PDE2A: variants seen among roughly 807,000 people sequenced by gnomAD.
The protein encoded by PDE2A is phosphodiesterase 2A, also known as cGMP-dependent 3',5'-cyclic phosphodiesterase.
Under a neutral mutation model 133.6 loss-of-function variants are expected in PDE2A, and 53 were observed. The ratio of observed to expected loss-of-function variants is 0.40; its 90% CI spans 0.32 to 0.50. The LOEUF is 0.50. Ranked by LOEUF, PDE2A falls within the 20% of genes least tolerant of loss-of-function variation. The pLI, the probability that PDE2A is intolerant of heterozygous loss-of-function variation, is 0.73. For missense variants in PDE2A, 796 were observed against 1,232.4 expected (o/e 0.65, Z 5.30); for synonymous variants, 491 against 490.2 (o/e 1.00, Z -0.02).
At chr11:72,640,986 C>A (rs1464537809) in intron 2 of PDE2A, among the ~76,000 whole-genome samples, 1 of 152,154 alleles carries the variant, frequency 6.6e-6, no homozygotes, top group Non-Finnish European at 1.5e-5. Flanking sequence ...ATACACGGCA[C>A]AACACACATG....
chr11:72,606,581 A>G (rs1035986464), intron 3 of PDE2A, among the ~76,000 whole-genome samples: 1 of 152,106 alleles, frequency 6.6e-6, no homozygotes, highest in African/African-American at 2.4e-5. Flanking sequence ...AGGGGCAGAC[A>G]CCCTCTTGTT....
At position 72,605,220 on chromosome 11, in the gene PDE2A, C is replaced by T. The variant is rs747174747; in HGVS notation, c.241G>A (p.Val81Ile). ...LSAVLPRVET[V>I]YTYLLDGESQ... is the part of the protein sequence containing the mutation. Reference sequence around the variant, plus strand: ...TCACCATCCAGTAGGTAGGTGTAGACAGTTTCCTAGGACAGAAGGCACTTA... The same window carrying T: ...TCACCATCCAGTAGGTAGGTGTAGATAGTTTCCTAGGACAGAAGGCACTTA... The change falls in exon 4 of 31, where the codon GTC becomes ATC. Residue 81 changes from valine (V) to isoleucine (I), a missense_variant. This residue lies in a region of PDE2A where 417 missense variants were observed against 475.3 expected (regional missense o/e 0.88). Coordinates refer to ENST00000334456, the MANE Select transcript of PDE2A (RefSeq NM_002599.5). 126 of 1,605,650 alleles carry T rather than the reference C, an allele frequency of 7.8e-5. No individual in the cohort carries two copies. Among genetic ancestry groups the T allele is most frequent in the Non-Finnish European group, 1.1e-4 (125 of 1,175,122 alleles).
At chr11:72,577,720 C>A (rs1855530809) in intron 30 of PDE2A, 126 bp from the exon 31 acceptor site, 1 of 689,856 alleles carries the variant, frequency 1.4e-6, no homozygotes, top group African/African-American at 1.8e-5. Flanking sequence ...CGCCTGTAAT[C>A]CCAACACTCA....
chr11:72,640,021 A>AAC (rs1858886182), intron 2 of PDE2A, among the ~76,000 whole-genome samples: 1 of 151,672 alleles, frequency 6.6e-6, no homozygotes, highest in East Asian at 1.9e-4. Context: ...CAACACCCCC[A>AAC]ACACACACAC....
intron 4 of PDE2A, chr11:72,598,883 C>A: frequency 2.0e-6 from 2 of 985,446 alleles, no homozygotes; most frequent in Non-Finnish European, 2.4e-6. Flanking sequence ...CACCCAGGAC[C>A]TTTAAGGTTC....
chr11:72,605,216 T>C lies in PDE2A; in HGVS notation c.245A>G (p.Tyr82Cys). The C allele has an allele frequency of 6.2e-7, 1 of 1,606,270 alleles. No individual in the cohort carries two copies. Among genetic ancestry groups the C allele is most frequent in the Non-Finnish European group, 8.5e-7 (1 of 1,175,392 alleles). ...SAVLPRVETVYTYLLDGESQL... is the reference protein window; with the variant it reads ...SAVLPRVETVCTYLLDGESQL... Reference sequence around the variant, plus strand: ...GGACTCACCATCCAGTAGGTAGGTGTAGACAGTTTCCTAGGACAGAAGGCA... The same window carrying C: ...GGACTCACCATCCAGTAGGTAGGTGCAGACAGTTTCCTAGGACAGAAGGCA... The change falls in exon 4 of 31, where the codon TAC becomes TGC. Residue 82 changes from tyrosine (Y) to cysteine (C), a missense_variant. Coordinates refer to ENST00000334456, the MANE Select transcript of PDE2A (RefSeq NM_002599.5).
At chr11:72,588,701 C>G (rs1856091234) in intron 13 of PDE2A, 83 bp downstream of exon 13, 47 of 1,368,706 alleles carry the variant, frequency 3.4e-5, no homozygotes, top group Non-Finnish European at 4.8e-5. Flanking sequence ...TGCCCAGTAC[C>G]CATCCCACAT....
At chr11:72,629,052 AGT>A (rs1858237225) in intron 2 of PDE2A, among the ~76,000 whole-genome samples, 1 of 152,164 alleles carries the variant, frequency 6.6e-6, no homozygotes, top group Non-Finnish European at 1.5e-5. Context: ...TTTGGGGATG[AGT>A]GTGGGGATGG....
chr11:72,646,631 G>A (rs1035122967), intron 1 of PDE2A, among the ~76,000 whole-genome samples: 5 of 152,086 alleles, frequency 3.3e-5, no homozygotes, highest in Admixed American at 6.5e-5. Flanking sequence ...GGCCTCCAAG[G>A]CAACATCCAA....
At chr11:72,587,992 A>C (rs893809469) in intron 13 of PDE2A, 1 of 152,368 alleles carries the variant, frequency 6.6e-6, no homozygotes, top group African/African-American at 2.4e-5. Context: ...TGGACTCCAG[A>C]GACCAGCATC....
At chr11:72,670,048 C>CA (rs1200919908) in intron 1 of PDE2A, among the ~76,000 whole-genome samples, 1 of 152,204 alleles carries the variant, frequency 6.6e-6, no homozygotes, top group African/African-American at 2.4e-5. Context: ...GGCTTCCCCC[C>CA]AGCCTGGCAC....
chr11:72,665,659 G>A (rs1309939821), intron 1 of PDE2A, among the ~76,000 whole-genome samples: 2 of 152,002 alleles, frequency 1.3e-5, no homozygotes, highest in African/African-American at 4.8e-5. Context: ...CACTAGGGTA[G>A]GTACCTTGTA....
At chr11:72,592,315 C>A (rs1398562476) in intron 6 of PDE2A, among the ~76,000 whole-genome samples, 2 of 152,202 alleles carry the variant, frequency 1.3e-5, no homozygotes, top group African/African-American at 2.4e-5. Context: ...GCACTGGGGG[C>A]TCCTCCTTCC....
intron 11 of PDE2A, 26 bp downstream of exon 11, chr11:72,589,725 A>G: frequency 1.2e-6 from 2 of 1,612,580 alleles, no homozygotes; most frequent in South Asian, 1.1e-5. Context: ...TGCAGACTCC[A>G]ACGAGAAGAC....
chr11:72,668,361 T>C (rs751483076), intron 1 of PDE2A: 3 of 718,616 alleles, frequency 4.2e-6, no homozygotes, highest in Non-Finnish European at 7.8e-6. Flanking sequence ...AGCAGTCTCT[T>C]GGGTTTGTGG....
intron 4 of PDE2A, among the ~76,000 whole-genome samples, chr11:72,601,789 A>G (rs1415396073): frequency 6.6e-6 from 1 of 152,202 alleles, no homozygotes; most frequent in Non-Finnish European, 1.5e-5. Context: ...GCAGCCTTCC[A>G]GGATTCTCTC....
intron 2 of PDE2A, among the ~76,000 whole-genome samples, chr11:72,614,425 G>A (rs941324307): frequency 2.0e-5 from 3 of 152,154 alleles, no homozygotes; most frequent in Non-Finnish European, 2.9e-5. Context: ...CTTGAGTGAG[G>A]CATCAGGCTT....
intron 6 of PDE2A, among the ~76,000 whole-genome samples, chr11:72,595,377 CCT>C (rs1264837041): frequency 2.6e-5 from 4 of 152,020 alleles, no homozygotes; most frequent in Non-Finnish European, 4.4e-5. Context: ...GAGGCGACCC[CCT>C]GAGAACTCCG....
rs1171099341 is a variant in PDE2A, at chr11:72,582,534, A to G, written c.1761T>C (p.His587=). The G allele has an allele frequency of 3.7e-6, 6 of 1,613,520 alleles. No individual in the cohort carries two copies. ...VSDDEYTKLL[H]DGIQPVAAID... ...TGGCAGCCACAGGCTGGATCCCATC[A>G]TGGAGAAGTTTGGTATACTCATCAT... The change falls in exon 21 of 31, where the codon CAT becomes CAC. Residue 587 remains histidine (H), a synonymous_variant. Transcript: ENST00000334456.
Sources: gnomAD v4.1 joint callset for allele counts (sites outside exome capture counted in the v4.1 genomes callset) on GRCh38, gnomAD v4.1.1 for gene constraint, gnomAD v4.1.1 regional missense constraint, MANE v1.5 for transcripts, NCBI Gene and HGNC (gene_info 2026-07-23, HGNC 2026-07-21) for gene names.